The following DPF1 variants were observed in gnomAD, a reference collection of about 807,000 sequenced individuals.
The protein encoded by DPF1 is double PHD fingers 1, also known as zinc finger protein neuro-d4.
A neutral mutation model predicts 58.7 loss-of-function variants in DPF1; 14 were observed. The observed-to-expected ratio is 0.24, with a 90% CI of 0.16 to 0.37. The LOEUF is 0.37. Among genes scored for constraint, DPF1 ranks in the 10% least tolerant of loss-of-function variants. The pLI is 1.00. For synonymous variants in DPF1, 216 were observed against 216.0 expected (o/e 1.00, Z 0.00); for missense variants, 345 against 529.9 (o/e 0.65, Z 3.43).
At chr19:38,219,169 G>A in intron 3 of DPF1, 111 bp from the exon 4 acceptor site, 1 of 1,483,700 alleles carries the variant, frequency 6.7e-7, no homozygotes, top group Non-Finnish European at 9.1e-7. Flanking sequence ...GGCTGCAGAG[G>A]CAAGGATTTA....
rs371537645 is a variant in DPF1, at chr19:38,213,625, G to A, written c.1011+19C>T. On this transcript the variant is annotated intron_variant, in intron 10 of 11. Coordinates refer to ENST00000355526, the MANE Select transcript of DPF1 (RefSeq NM_001135155.3). ...GGCGGGGCGGGCAGCAGGGCACGCG[G>A]GGGGCGGGCGGCACTCACGTCGTTC... is the stretch of plus-strand genomic sequence containing the variant. 119 of 1,607,214 alleles carry A rather than the reference G, an allele frequency of 7.4e-5. No individual in the cohort carries two copies. The highest frequency in any genetic ancestry group is 9.1e-5 in the Non-Finnish European group (107 of 1,175,400).
intron 6 of DPF1, 72 bp downstream of exon 6, chr19:38,217,726 G>C: frequency 6.2e-7 from 1 of 1,603,104 alleles, no homozygotes; most frequent in South Asian, 1.1e-5. Flanking sequence ...GGAACGGGAG[G>C]GAGAGGGCCA....
chr19:38,221,193 C>T lies in DPF1; in HGVS notation c.298+1164G>A, dbSNP rs767470467. Among the ~76,000 whole-genome samples the T allele has an allele frequency of 1.1e-4, 17 of 152,104 alleles. 1 individual carries two copies. The highest frequency in any genetic ancestry group is 6.2e-4 in the South Asian group (3 of 4,812). On this transcript the variant is annotated intron_variant, in intron 3 of 11. Coordinates refer to ENST00000355526, the MANE Select transcript of DPF1 (RefSeq NM_001135155.3). ...CCAACCAGACACTGAGACATCCAGA[C>T]GCCCTTGGGGAGATACAGAGGCAGA...
chr19:38,221,076 G>A (rs573103292), intron 3 of DPF1, among the ~76,000 whole-genome samples: 14 of 152,152 alleles, frequency 9.2e-5, no homozygotes, highest in African/African-American at 3.1e-4. Flanking sequence ...GGGAGGAGCC[G>A]GACACCCTGA....
At position 38,217,332 on chromosome 19, in the gene DPF1, G is replaced by A. The variant is rs554373169; in HGVS notation, c.727+128C>T. 2.1e-4 allele frequency: 272 copies of A among 1,300,956 alleles called. 1 individual carries two copies. The South Asian group carries it at 3.8e-3, about 18-fold the overall frequency. 80.6% of individuals were successfully genotyped at this position (1,300,956 alleles called of 1,614,324 possible). A position where few individuals can be genotyped will look rare whatever the true frequency, so the allele number is the denominator to read the frequency against. On this transcript the variant is annotated intron_variant, in intron 7 of 11. Transcript: ENST00000355526. ...GGAGCCAGCATCCCCATGGTCGGTG[G>A]GGGGAGGGAACGGCTGAGCTGGAGA...
chr19:38,212,393 TG>T, intron 10 of DPF1, 32 bp from the exon 11 acceptor site: 10 of 696,928 alleles, frequency 1.4e-5, no homozygotes, highest in Non-Finnish European at 1.6e-5. Context: ...GCTGGCACCC[TG>T]GGGGCACGGG....
chr19:38,217,582 T>A lies in DPF1; in HGVS notation c.605A>T (p.Lys202Ile). The stretch of plus-strand genomic sequence containing the variant: ...GAGCCCCGGCCGGTTCTTATACCGT[T>A]TCCCACAGACTGGGGAGCGAGCGAG... The part of the protein sequence containing the change: ...DKPYVCDICG[K>I]RYKNRPGLSY... The change falls in exon 7 of 12, where the codon AAA (lysine) becomes ATA (isoleucine). Residue 202 changes from lysine (K) to isoleucine (I), a missense_variant. Lys to Ile is a moderately radical substitution (Grantham distance 102). Transcript: ENST00000355526. The A allele has an allele frequency of 6.5e-7, 1 of 1,549,882 alleles. No individual in the cohort carries two copies. Among genetic ancestry groups the A allele is most frequent in the Non-Finnish European group, 8.7e-7 (1 of 1,145,850 alleles).
chr19:38,213,795 C>T (rs377107492), intron 9 of DPF1, 39 bp from the exon 10 acceptor site: 24 of 1,568,708 alleles, frequency 1.5e-5, no homozygotes, highest in South Asian at 2.2e-5. Context: ...AGGAGGTCAC[C>T]GTGCCCCTGG....
rs1967582979 is a variant in DPF1, at chr19:38,222,641, C to G, written c.97G>C (p.Glu33Gln). ...AGGAAGGGCAGTCGCAGGCTGCGCT[C>G]GGCGCACAGGCGCGCGTTGTAACTG... The part of the protein sequence containing the change: ...CRSYNARLCA[E>Q]RSLRLPFLDS... Residue 33 changes from glutamate (E) to glutamine (Q), a missense_variant, in exon 2 of 12, where the codon GAG becomes CAG. By Grantham distance (29) the Glu-to-Gln change is conservative. Coordinates refer to ENST00000355526, the MANE Select transcript of DPF1 (RefSeq NM_001135155.3). The surrounding 1 kb of genome is among the most constrained non-coding windows in gnomAD (Gnocchi z 4.9). 2 of 1,609,730 alleles carry G rather than the reference C, an allele frequency of 1.2e-6. No individual in the cohort carries two copies. The highest frequency in any genetic ancestry group is 1.1e-5 in the South Asian group (1 of 90,368).
upstream of DPF1, among the ~76,000 whole-genome samples, chr19:38,226,753 T>C (rs34121040): frequency 0.23 from 34,744 of 151,748 alleles, 4,017 homozygotes; most frequent in African/African-American, 0.26. Context: ...CGGTGAGCTG[T>C]GACCCCACCT....
chr19:38,217,904 C>A, intron 5 of DPF1, 28 bp from the exon 6 acceptor site: 1 of 1,612,996 alleles, frequency 6.2e-7, no homozygotes, highest in Non-Finnish European at 8.5e-7. Flanking sequence ...AGTGAGGGGC[C>A]AAGAAAGTGA....
At chr19:38,226,100 C>T (rs570559343), upstream of DPF1, among the ~76,000 whole-genome samples, 2 of 152,136 alleles carry the variant, frequency 1.3e-5, no homozygotes, top group Non-Finnish European at 2.9e-5. Flanking sequence ...GCACCCCTGA[C>T]GGCCCTCCCC....
intron 3 of DPF1, among the ~76,000 whole-genome samples, chr19:38,220,239 A>G (rs1967349603): frequency 6.6e-6 from 1 of 151,324 alleles, no homozygotes; most frequent in Non-Finnish European, 1.5e-5. Flanking sequence ...AAAGAAAGAA[A>G]GAAGGAAGGA....
At chr19:38,214,929 G>C (rs879321658) in intron 9 of DPF1, among the ~76,000 whole-genome samples, 1 of 146,606 alleles carries the variant, frequency 6.8e-6, no homozygotes, top group East Asian at 2.1e-4. Flanking sequence ...TCTGAGCCCC[G>C]GGTTCAAGCG....
chr19:38,223,879 C>A, intron 1 of DPF1: 1 of 445,880 alleles, frequency 2.2e-6, no homozygotes, highest in Non-Finnish European at 3.7e-6. Flanking sequence ...TGATGTCTCC[C>A]TTCCCCAAAA....
At position 38,222,540 on chromosome 19, in the gene DPF1, G is replaced by A. The variant is rs776556119; in HGVS notation, c.190+8C>T. 1 of 1,604,978 alleles carries A rather than the reference G, an allele frequency of 6.2e-7. No individual in the cohort carries two copies. On this transcript the variant is annotated splice_region_variant and intron_variant, in intron 2 of 11. Coordinates refer to ENST00000355526, the MANE Select transcript of DPF1 (RefSeq NM_001135155.3). This position sits in a 1 kb window ranked among gnomAD's most constrained non-coding sequence, Gnocchi z 4.9. ...CGCCCCGCCCTGCGCCAGCCCTCCCGGCGGTACCCGGCCCGCGGTGGGTCT... is the reference window on the plus strand; with the variant it reads ...CGCCCCGCCCTGCGCCAGCCCTCCCAGCGGTACCCGGCCCGCGGTGGGTCT...
intron 9 of DPF1, among the ~76,000 whole-genome samples, chr19:38,214,960 G>T (rs555875322): frequency 6.7e-6 from 1 of 149,140 alleles, no homozygotes; most frequent in Non-Finnish European, 1.5e-5. Context: ...CTCAGCCTCC[G>T]GAGTAGCTGG....
At chr19:38,227,520 A>G (rs1185907199), upstream of DPF1, among the ~76,000 whole-genome samples, 1 of 151,908 alleles carries the variant, frequency 6.6e-6, no homozygotes, top group African/African-American at 2.4e-5. Context: ...CCTGGCCCAA[A>G]CAATCCTCCT....
intron 4 of DPF1, 82 bp downstream of exon 4, chr19:38,218,849 G>A: frequency 6.3e-7 from 1 of 1,587,428 alleles, no homozygotes; most frequent in South Asian, 1.2e-5. Context: ...GGGTTTCAGA[G>A]CAGGAACGTG....
Sources: gnomAD v4.1 joint callset for allele counts (sites outside exome capture counted in the v4.1 genomes callset) on GRCh38, gnomAD v4.1.1 for gene constraint, Gnocchi (gnomAD v3.1) non-coding constraint, MANE v1.5 for transcripts, NCBI Gene and HGNC (gene_info 2026-07-23, HGNC 2026-07-21) for gene names.